TAF1: variants seen among roughly 807,000 people sequenced by gnomAD.
TAF1 encodes the protein transcription initiation factor TFIID subunit 1.
TAF1 carries 2 observed loss-of-function variants against 138.5 expected under a neutral mutation model. The observed-to-expected ratio is 0.01, with a 90% confidence interval of 0.01 to 0.05. The LOEUF is 0.05. TAF1 is among the 10% of genes least tolerant of loss of function. The pLI is 1.00. For synonymous variants in TAF1, 437 were observed against 503.2 expected (o/e 0.87, Z 1.76); for missense variants, 709 against 1,478.0 (o/e 0.48, Z 8.53).
At chrX:71,389,434 A>G in intron 17 of TAF1, 151 bp from the exon 18 acceptor site, 1 of 460,448 alleles carries the variant, frequency 2.2e-6, no homozygotes, top group Admixed American at 4.3e-5. Flanking sequence ...TAGCTTAAGG[A>G]TGTGCCGTGG....
In TAF1 at chrX:71,483,803, T is replaced by TATATATATATATATAC. The variant is rs1290090578; in HGVS notation, c.1366+23001_1366+23002insTATATATATATATACA. On this transcript the variant is annotated intron_variant and NMD_transcript_variant, in intron 13 of 14. Coordinates refer to the TAF1 transcript ENST00000373775. ...CTCTATATATATATATATATATATA[T>TATATATATATATATAC]ACACACACATCCCTCATTATTTTTT... Among the ~76,000 whole-genome samples the TATATATATATATATAC allele has an allele frequency of 2.0e-4, 19 of 92,862 alleles. 1 individual carries two copies. Among genetic ancestry groups the TATATATATATATATAC allele is most frequent in the African/African-American group, 6.8e-4 (16 of 23,366 alleles). 80.6% of individuals were successfully genotyped at this position (92,862 alleles called of 115,157 possible).
In TAF1 at chrX:71,513,024, C is replaced by A. The variant is rs142812174; in HGVS notation, c.1367-15518C>A. Among the ~76,000 whole-genome samples the A allele has an allele frequency of 5.7e-4, 64 of 112,003 alleles. No homozygotes were observed. The East Asian group carries it at 0.015, about 26-fold the overall frequency. On this transcript the variant is annotated intron_variant and NMD_transcript_variant, in intron 13 of 14. Transcript: ENST00000373775. ...TTTGCTAAAAGCAATTTCAGTGGAA[C>A]CATTTTCCAGTACAGTAGGTAGGGG...
At chrX:71,383,833 G>A in intron 12 of TAF1, 129 bp from the exon 13 acceptor site, 1 of 825,575 alleles carries the variant, frequency 1.2e-6, no homozygotes, top group Non-Finnish European at 1.7e-6. Context: ...CAGTATGTTT[G>A]AAAATTTTGA....
At chrX:71,470,545 T>A (rs1189711926), downstream of TAF1, among the ~76,000 whole-genome samples, 1 of 108,441 alleles carries the variant, frequency 9.2e-6, no homozygotes, top group Non-Finnish European at 1.9e-5. Context: ...CCGGCCCAAT[T>A]TTTGTATTTT....
At chrX:71,401,191 C>T (rs1315887437) in intron 24 of TAF1, among the ~76,000 whole-genome samples, 1 of 111,710 alleles carries the variant, frequency 9.0e-6, no homozygotes, top group African/African-American at 3.3e-5. Context: ...TGTCTAGTGG[C>T]TTCTGGTTGA....
In TAF1 at chrX:71,406,581, T is replaced by C. The variant is rs752627794; in HGVS notation, c.3999-57T>C. 5.8e-4 allele frequency: 647 copies of C among 1,107,131 alleles called. 1 individual carries two copies. The highest frequency in any genetic ancestry group is 7.0e-4 in the Non-Finnish European group (577 of 822,915). The allele number at this position is 1,107,131 out of a possible 1,213,427, so 91.2% of individuals were successfully genotyped here. On this transcript the variant is annotated intron_variant, in intron 25 of 37. Coordinates refer to ENST00000423759, the MANE Select transcript of TAF1 (RefSeq NM_004606.5). Reference sequence around the variant, plus strand: ...CTTTTTTTTAATTATAGTTGCTTTTTTTCCCCCTGGGAACTAGAAATAGGG... The same window carrying C: ...CTTTTTTTTAATTATAGTTGCTTTTCTTCCCCCTGGGAACTAGAAATAGGG...
intron 25 of TAF1, among the ~76,000 whole-genome samples, chrX:71,405,251 G>A (rs1024269115): frequency 9.2e-6 from 1 of 109,224 alleles, no homozygotes; most frequent in African/African-American, 3.3e-5. Flanking sequence ...GAGCCACCAT[G>A]CCCGGCCTTC....
chrX:71,400,097 T>G (rs778795869), intron 24 of TAF1, among the ~76,000 whole-genome samples: 1 of 108,709 alleles, frequency 9.2e-6, no homozygotes, highest in Admixed American at 9.9e-5. Context: ...TTTGTTTGTT[T>G]GGTTTTTTTA....
chrX:71,461,985 A>T (rs1446520139), intron 37 of TAF1, among the ~76,000 whole-genome samples: 2 of 111,888 alleles, frequency 1.8e-5, no homozygotes, highest in African/African-American at 6.5e-5. Flanking sequence ...CTATATGAAG[A>T]CACAGGCATG....
intron 3 of TAF1, among the ~76,000 whole-genome samples, 173 bp downstream of exon 3, chrX:71,368,343 T>A (rs1381895750): frequency 8.9e-6 from 1 of 112,073 alleles, no homozygotes; most frequent in Non-Finnish European, 1.9e-5. Context: ...CTATCTTTTT[T>A]TGTGTTCTGG....
intron 3 of TAF1, among the ~76,000 whole-genome samples, chrX:71,369,605 CTTT>C (rs762612709): frequency 2.2e-5 from 2 of 92,198 alleles, no homozygotes. Flanking sequence ...CAGTGTGTTT[CTTT>C]TTTTTTTTTT....
downstream of TAF1, among the ~76,000 whole-genome samples, chrX:71,468,867 A>G (rs2038825033): frequency 9.5e-6 from 1 of 105,405 alleles, no homozygotes; most frequent in African/African-American, 3.5e-5. Context: ...GTGCAAGCCT[A>G]TGGTCCCAGC....
At chrX:71,432,224 AGAG>A (rs2036925804) in intron 32 of TAF1, among the ~76,000 whole-genome samples, 3 of 111,512 alleles carry the variant, frequency 2.7e-5, no homozygotes, top group African/African-American at 9.8e-5. Flanking sequence ...GCAGTTGGGC[AGAG>A]GAGAACTTCG....
chrX:71,384,689 G>A (rs1785236712), intron 13 of TAF1, among the ~76,000 whole-genome samples: 1 of 111,713 alleles, frequency 9.0e-6, no homozygotes, highest in East Asian at 2.8e-4. Context: ...ATACAGGTAT[G>A]AGCCACCATG....
chrX:71,525,902 C>T (rs891650065), intron 13 of TAF1, among the ~76,000 whole-genome samples: 1 of 107,103 alleles, frequency 9.3e-6, no homozygotes. Flanking sequence ...TAGGCTCAAG[C>T]GATCCTCCCA....
intron 34 of TAF1, among the ~76,000 whole-genome samples, chrX:71,455,196 A>G (rs1037761682): frequency 9.0e-6 from 1 of 110,505 alleles, no homozygotes; most frequent in Non-Finnish European, 1.9e-5. Flanking sequence ...ACATCCCTAG[A>G]GTGTAGACTT....
chrX:71,517,044 C>T (rs944377731), intron 13 of TAF1, among the ~76,000 whole-genome samples: 7 of 110,033 alleles, frequency 6.4e-5, no homozygotes, highest in Non-Finnish European at 9.5e-5. Flanking sequence ...TTTAAAAGGG[C>T]GGGAGGGAAC....
intron 13 of TAF1, among the ~76,000 whole-genome samples, chrX:71,506,932 A>G (rs1357062435): frequency 2.7e-5 from 3 of 111,873 alleles, no homozygotes; most frequent in Non-Finnish European, 3.8e-5. Flanking sequence ...AACATAGATG[A>G]ACCTCAAAAA....
intron 3 of TAF1, 142 bp downstream of exon 3, chrX:71,368,312 C>T: frequency 1.8e-6 from 1 of 542,624 alleles, no homozygotes; most frequent in Non-Finnish European, 2.9e-6. Flanking sequence ...CTCCCTTTGT[C>T]AGGTCAGTTC....
Sources: gnomAD v4.1 joint callset for allele counts (sites outside exome capture counted in the v4.1 genomes callset) on GRCh38, gnomAD v4.1.1 for gene constraint, MANE v1.5 for transcripts, NCBI Gene and HGNC (gene_info 2026-07-23, HGNC 2026-07-21) for gene names.